PLPBP: variants seen among roughly 807,000 people sequenced by gnomAD.
The protein encoded by PLPBP is pyridoxal phosphate homeostasis protein.
PLPBP carries 21 observed loss-of-function variants against 31.2 expected under a neutral mutation model. The ratio of observed to expected loss-of-function variants is 0.67; its 90% CI spans 0.48 to 0.97. PLPBP has a LOEUF of 0.97. PLPBP is among the 50% of genes least tolerant of loss of function. PLPBP has a pLI of 0.00. For synonymous variants in PLPBP, 124 were observed against 135.6 expected, an observed-to-expected ratio of 0.91 and a Z score of 0.59; for missense variants, 308 against 354.4, an observed-to-expected ratio of 0.87 and a Z score of 1.05.
Position 37,768,618 on chromosome 8 carries a change from G to A in PLPBP, c.319+2263G>A, listed in dbSNP as rs189685503. Among the ~76,000 whole-genome samples the A allele has an allele frequency of 4.5e-3, 682 of 151,808 alleles. 2 individuals are homozygous for A. Among genetic ancestry groups the A allele is most frequent in the Middle Eastern group, 0.014 (4 of 292 alleles). On this transcript the variant is annotated intron_variant, in intron 4 of 7. Coordinates refer to ENST00000328195, the MANE Select transcript of PLPBP (RefSeq NM_007198.4). ...CTCCCGAGTAGCTGGGACTACAGGC[G>A]CCCACCACCACGCCCAGCTAATGTT...
At chr8:37,776,108 C>T in intron 7 of PLPBP, 92 bp downstream of exon 7, 7 of 1,217,508 alleles carry the variant, frequency 5.7e-6, no homozygotes, top group Non-Finnish European at 8.3e-6. Flanking sequence ...CTGTAGAAGC[C>T]TTGGAAATGC....
chr8:37,778,032 C>A lies in PLPBP; in HGVS notation c.756C>A (p.Tyr252Ter), dbSNP rs1803961891. Residue 252 changes from tyrosine to a stop codon, truncating the protein, a stop_gained, in exon 8 of 8, where the codon TAC (tyrosine) becomes TAA (stop). Transcript: ENST00000328195. LOFTEE classifies it low-confidence loss of function (END_TRUNC). The part of the protein sequence containing the change: ...IGSTIFGERD[Y>*]SKKPTPDKCA... ...GCACGATTTTTGGAGAGCGGGATTA[C>A]TCAAAGAAACCCACCCCGGACAAGT... 6.2e-7 allele frequency: 1 copy of A among 1,613,910 alleles called. No individual in the cohort carries two copies. Among genetic ancestry groups the A allele is most frequent in the Non-Finnish European group, 8.5e-7 (1 of 1,179,810 alleles).
At position 37,762,674 on chromosome 8, in the gene PLPBP, C is replaced by T. The variant is rs1490520878; in HGVS notation, c.15C>T (p.Gly5=). 4.4e-6 allele frequency: 7 copies of T among 1,585,802 alleles called. No homozygotes were observed. The highest frequency in any genetic ancestry group is 1.1e-5 in the South Asian group (1 of 87,422). The change falls in exon 1 of 8, where the codon GGC becomes GGT. Residue 5 remains glycine (G), a synonymous_variant. Transcript: ENST00000328195. MWRA[G]SMSAELGVGC... is the part of the protein sequence containing the mutation. Reference sequence around the variant, plus strand: ...GTCCCCGGGGGATGTGGAGAGCTGGCAGCATGTCGGCCGAGCTGGGAGTCG... The same window carrying T: ...GTCCCCGGGGGATGTGGAGAGCTGGTAGCATGTCGGCCGAGCTGGGAGTCG...
rs905039412 is a variant in PLPBP, at chr8:37,778,581, C to G, written c.*477C>G. ...TTCTGCCCCCAGATTCTTCCCTAGC[C>G]GGTAGATACGTGAAGATATTCCCAA... On this transcript the variant is annotated 3_prime_UTR_variant, in exon 8 of 8. Transcript: ENST00000328195. 1 of 153,012 alleles carries G rather than the reference C, an allele frequency of 6.5e-6. No individual in the cohort carries two copies. The highest frequency in any genetic ancestry group is 1.5e-5 in the Non-Finnish European group (1 of 68,692). The allele number at this position is 153,012 out of a possible 1,614,324, so 9.5% of individuals were successfully genotyped here.
chr8:37,774,244 G>A (rs1393979647), intron 5 of PLPBP, among the ~76,000 whole-genome samples: 1 of 152,094 alleles, frequency 6.6e-6, no homozygotes, highest in Non-Finnish European at 1.5e-5. Flanking sequence ...ATTATGGTGA[G>A]CACCAGTCAA....
At chr8:37,769,227 C>A (rs546653137) in intron 4 of PLPBP, among the ~76,000 whole-genome samples, 1 of 151,974 alleles carries the variant, frequency 6.6e-6, no homozygotes, top group African/African-American at 2.4e-5. Context: ...TCCCAGCTAC[C>A]TGGGAGGCTG....
At chr8:37,765,452 A>G (rs1215436836) in intron 1 of PLPBP, 74 bp from the exon 2 acceptor site, 2 of 1,392,628 alleles carry the variant, frequency 1.4e-6, no homozygotes, top group Admixed American at 3.5e-5. Flanking sequence ...TCTATCCTAC[A>G]GGATCTATCC....
At position 37,772,886 on chromosome 8, in the gene PLPBP, G is replaced by A. The variant is rs760232424; in HGVS notation, c.451G>A (p.Glu151Lys). The change falls in exon 5 of 8, where the codon GAG becomes AAG. Residue 151 changes from glutamate (E) to lysine (K), a missense_variant. This residue lies in a region of PLPBP where 188 missense variants were observed against 259.3 expected (regional missense o/e 0.73). Transcript: ENST00000328195. ...VMVQINTSGE[E>K]SKHGLPPSET... The stretch of plus-strand genomic sequence containing the variant: ...GGTCCAGATTAACACCAGCGGAGAA[G>A]AGAGTAAGTAACCAGACCTGAATTG... 1.9e-6 allele frequency: 3 copies of A among 1,614,170 alleles called. No homozygotes were observed. The highest frequency in any genetic ancestry group is 3.3e-5 in the Admixed American group (2 of 60,024).
chr8:37,763,170 CCTG>C (rs1803529369), intron 1 of PLPBP, among the ~76,000 whole-genome samples: 3 of 152,280 alleles, frequency 2.0e-5, no homozygotes, highest in South Asian at 2.1e-4. Context: ...CAGCGTCTCA[CCTG>C]CTAAGTGCCC....
At chr8:37,764,831 C>A (rs1415832537) in intron 1 of PLPBP, among the ~76,000 whole-genome samples, 1 of 152,150 alleles carries the variant, frequency 6.6e-6, no homozygotes, top group African/African-American at 2.4e-5. Context: ...GATTCTTAAG[C>A]CTCCAACATT....
At chr8:37,765,178 CAAAAA>C (rs962803983) in intron 1 of PLPBP, among the ~76,000 whole-genome samples, 1 of 150,648 alleles carries the variant, frequency 6.6e-6, no homozygotes, top group African/African-American at 2.4e-5. Flanking sequence ...AACTCTGTCT[CAAAAA>C]AAAAGGAAAT....
chr8:37,772,741 C>T lies in PLPBP; in HGVS notation c.320-14C>T. On this transcript the variant is annotated splice_polypyrimidine_tract_variant and intron_variant, in intron 4 of 7. Coordinates refer to ENST00000328195, the MANE Select transcript of PLPBP (RefSeq NM_007198.4). ...GCAAATAAGGAATACTACTTTGCCT[C>T]TGTCTCATTACAGCTGTCCCCAATC... is the stretch of plus-strand genomic sequence containing the variant. 6.2e-7 allele frequency: 1 copy of T among 1,614,132 alleles called. No individual in the cohort carries two copies. The highest frequency in any genetic ancestry group is 1.1e-5 in the South Asian group (1 of 91,072).
Position 37,772,950 on chromosome 8 carries a change from G to A in PLPBP, c.454+61G>A, listed in dbSNP as rs565059723. The A allele has an allele frequency of 5.5e-4, 880 of 1,590,168 alleles. 2 individuals are homozygous for A. In the African/African-American group the frequency reaches 0.011, roughly 20 times the overall value. On this transcript the variant is annotated intron_variant, in intron 5 of 7. Coordinates refer to ENST00000328195, the MANE Select transcript of PLPBP (RefSeq NM_007198.4). ...CTTTAGGATGGTTGAAGCTTAGGGA[G>A]AATGGGTGGGCCCAAGTGTCTGATG...
chr8:37,766,394 C>A lies in PLPBP; in HGVS notation c.319+39C>A. 1.9e-6 allele frequency: 3 copies of A among 1,564,978 alleles called. No individual in the cohort carries two copies. The South Asian group carries it at 3.4e-5, about 18-fold the overall frequency. ...AAATATGAAAACAAAATTGTTCTGT[C>A]ATTGTATTGCTTCTACTACCCTTTG... On this transcript the variant is annotated intron_variant, in intron 4 of 7. Coordinates refer to ENST00000328195, the MANE Select transcript of PLPBP (RefSeq NM_007198.4).
intron 4 of PLPBP, among the ~76,000 whole-genome samples, chr8:37,769,534 T>A (rs1398451925): frequency 6.6e-6 from 1 of 151,480 alleles, no homozygotes; most frequent in Non-Finnish European, 1.5e-5. Context: ...GGAAAAAAAA[T>A]AGGCAAAAAC....
At chr8:37,766,501 A>T in intron 4 of PLPBP, 146 bp downstream of exon 4, 2 of 1,309,842 alleles carry the variant, frequency 1.5e-6, no homozygotes, top group Non-Finnish European at 1.9e-6. Context: ...AGTTCTTAAT[A>T]AAAAGAGAAA....
At chr8:37,765,815 C>G (rs1803611983) in intron 3 of PLPBP, 69 bp downstream of exon 3, 40 of 1,551,098 alleles carry the variant, frequency 2.6e-5, no homozygotes, top group Non-Finnish European at 3.4e-5. Flanking sequence ...TTAGACCCAT[C>G]CTGGTGGTTG....
Position 37,778,043 on chromosome 8 carries a change from C to G in PLPBP, c.767C>G (p.Pro256Arg). The G allele has an allele frequency of 6.2e-7, 1 of 1,613,850 alleles. No individual in the cohort carries two copies. Among genetic ancestry groups the G allele is most frequent in the East Asian group, 2.2e-5 (1 of 44,872 alleles). ...GGAGAGCGGGATTACTCAAAGAAAC[C>G]CACCCCGGACAAGTGCGCAGCAGAC... Reference protein sequence around the residue: ...IFGERDYSKKPTPDKCAADVK... With the variant: ...IFGERDYSKKRTPDKCAADVK... The change falls in exon 8 of 8, where the codon CCC (proline) becomes CGC (arginine). Residue 256 changes from proline (P) to arginine (R), a missense_variant. By Grantham distance (103) the Pro-to-Arg change is moderately radical. This residue lies in a region of PLPBP where 188 missense variants were observed against 259.3 expected (regional missense o/e 0.73). Coordinates refer to ENST00000328195, the MANE Select transcript of PLPBP (RefSeq NM_007198.4).
intron 4 of PLPBP, among the ~76,000 whole-genome samples, chr8:37,770,743 A>G (rs1265088835): frequency 1.3e-5 from 2 of 151,224 alleles, no homozygotes; most frequent in Non-Finnish European, 2.9e-5. Flanking sequence ...ATGCTGGCTA[A>G]TTTTTGTATT....
Sources: allele counts gnomAD v4.1 joint callset (sites outside exome capture counted in the v4.1 genomes callset), GRCh38; gene constraint gnomAD v4.1.1; regional missense constraint gnomAD v4.1.1; transcripts MANE v1.5; gene names NCBI Gene and HGNC (gene_info 2026-07-23, HGNC 2026-07-21).